Variants in KCNAB1 observed in about 807,000 individuals in gnomAD.
KCNAB1 encodes the protein voltage-gated potassium channel subunit beta-1.
A neutral mutation model predicts 64.6 loss-of-function variants in KCNAB1; 35 were observed. The ratio of observed to expected loss-of-function variants is 0.54; its 90% CI spans 0.41 to 0.72. KCNAB1 has a LOEUF of 0.72. Ranked by LOEUF, KCNAB1 falls within the 30% of genes least tolerant of loss-of-function variation. The pLI, the probability that KCNAB1 is intolerant of heterozygous loss-of-function variation, is 0.00. For missense variants in KCNAB1, 401 were observed against 512.9 expected (o/e 0.78, Z 2.11); for synonymous variants, 177 against 183.8 (o/e 0.96, Z 0.30).
chr3:156,164,070 G>A (rs368153234), intron 1 of KCNAB1, among the ~76,000 whole-genome samples: 2 of 152,154 alleles, frequency 1.3e-5, no homozygotes, highest in South Asian at 4.1e-4. Flanking sequence ...TTAACCCACT[G>A]GCGACAGGGA....
chr3:156,338,423 G>T (rs1723881811), intron 1 of KCNAB1, among the ~76,000 whole-genome samples: 1 of 146,046 alleles, frequency 6.8e-6, no homozygotes. Flanking sequence ...CGATTCTCCT[G>T]CCTCAGCCTC....
intron 1 of KCNAB1, among the ~76,000 whole-genome samples, chr3:156,261,828 T>C (rs578106132): frequency 6.6e-6 from 1 of 152,106 alleles, no homozygotes; most frequent in South Asian, 2.1e-4. Context: ...TTGGGGAGAA[T>C]TTGCCATCTT....
At chr3:156,511,686 T>A (rs1372972599) in intron 8 of KCNAB1, among the ~76,000 whole-genome samples, 1 of 151,754 alleles carries the variant, frequency 6.6e-6, no homozygotes, top group Non-Finnish European at 1.5e-5. Context: ...CTGCCTAGAA[T>A]ACAACAATAC....
intron 1 of KCNAB1, among the ~76,000 whole-genome samples, chr3:156,123,809 T>G (rs547980577): frequency 2.2e-4 from 33 of 152,176 alleles, no homozygotes; most frequent in Non-Finnish European, 4.0e-4. Context: ...TGTGGGCATG[T>G]TTTTTAAAAA....
intron 6 of KCNAB1, 129 bp from the exon 7 acceptor site, chr3:156,465,514 C>T (rs1004784264): frequency 5.2e-5 from 38 of 734,464 alleles, no homozygotes; most frequent in South Asian, 4.3e-4. Flanking sequence ...GACTTCTCTC[C>T]TTAGCCTCCC....
chr3:156,402,853 A>G (rs1204383909), intron 1 of KCNAB1, among the ~76,000 whole-genome samples: 1 of 152,210 alleles, frequency 6.6e-6, no homozygotes, highest in Non-Finnish European at 1.5e-5. Context: ...TATGGTAACT[A>G]TAACTATGAA....
chr3:156,530,721 T>C (rs1718643802), intron 12 of KCNAB1, among the ~76,000 whole-genome samples: 1 of 152,108 alleles, frequency 6.6e-6, no homozygotes, highest in Admixed American at 6.5e-5. Flanking sequence ...CAACACAGGA[T>C]GAATCTTGGG....
chr3:156,520,660 G>A (rs1559927907), intron 11 of KCNAB1, among the ~76,000 whole-genome samples: 1 of 152,216 alleles, frequency 6.6e-6, no homozygotes, highest in African/African-American at 2.4e-5. Flanking sequence ...AGTTGGGAGA[G>A]AGGGGTGGTC....
At chr3:156,132,146 A>G (rs568583415) in intron 1 of KCNAB1, among the ~76,000 whole-genome samples, 2 of 152,278 alleles carry the variant, frequency 1.3e-5, no homozygotes, top group East Asian at 1.9e-4. Context: ...GAGTTTGGCT[A>G]TTTTCCATAA....
chr3:156,425,316 G>C (rs922320647), intron 2 of KCNAB1, among the ~76,000 whole-genome samples: 1 of 152,192 alleles, frequency 6.6e-6, no homozygotes, highest in African/African-American at 2.4e-5. Context: ...GAAATTCCTT[G>C]CCCTGACAAT....
intron 1 of KCNAB1, among the ~76,000 whole-genome samples, chr3:156,348,658 G>A (rs1379279824): frequency 1.3e-5 from 2 of 152,230 alleles, no homozygotes; most frequent in Admixed American, 1.3e-4. Context: ...CTGAAGCTCA[G>A]AGAGGGGAGT....
chr3:156,438,991 G>T (rs886407575), intron 2 of KCNAB1, among the ~76,000 whole-genome samples: 3 of 150,656 alleles, frequency 2.0e-5, no homozygotes, highest in African/African-American at 7.3e-5. Context: ...TCCAGTCTGG[G>T]TGACAGAGCA....
At chr3:156,457,356 G>T in intron 3 of KCNAB1, 97 bp from the exon 4 acceptor site, 1 of 1,575,938 alleles carries the variant, frequency 6.3e-7, no homozygotes, top group Admixed American at 1.8e-5. Context: ...TGGTTAGTGA[G>T]AGGTCAGTGT....
At chr3:156,136,786 A>G (rs1216500010) in intron 1 of KCNAB1, among the ~76,000 whole-genome samples, 1 of 152,210 alleles carries the variant, frequency 6.6e-6, no homozygotes, top group Non-Finnish European at 1.5e-5. Context: ...CTAAGGCCAC[A>G]TTTTGGCATC....
chr3:156,124,177 C>A (rs542477080), intron 1 of KCNAB1, among the ~76,000 whole-genome samples: 3 of 151,402 alleles, frequency 2.0e-5, no homozygotes, highest in Admixed American at 6.6e-5. Context: ...TTTTAAAAAA[C>A]CATATTTCTG....
chr3:156,169,171 GA>G (rs1376176681), intron 1 of KCNAB1, among the ~76,000 whole-genome samples: 2 of 152,034 alleles, frequency 1.3e-5, no homozygotes, highest in African/African-American at 2.4e-5. Flanking sequence ...ATTTTTAAAG[GA>G]ATATTTCCCT....
chr3:156,498,005 GA>G (rs1235014786), intron 8 of KCNAB1, among the ~76,000 whole-genome samples: 1 of 152,154 alleles, frequency 6.6e-6, no homozygotes, highest in Non-Finnish European at 1.5e-5. Flanking sequence ...GAGGCACTAA[GA>G]AGGATAAGAT....
intron 1 of KCNAB1, among the ~76,000 whole-genome samples, chr3:156,163,701 T>C (rs1012699882): frequency 1.3e-5 from 2 of 152,242 alleles, no homozygotes; most frequent in Non-Finnish European, 2.9e-5. Flanking sequence ...CGATAAGAGA[T>C]ATATGAATTT....
At chr3:156,211,548 T>G (rs772863000) in intron 1 of KCNAB1, among the ~76,000 whole-genome samples, 1 of 152,188 alleles carries the variant, frequency 6.6e-6, no homozygotes, top group African/African-American at 2.4e-5. Flanking sequence ...CCTATGCCAA[T>G]GCCCACACAC....
Sources: allele counts gnomAD v4.1 joint callset (sites outside exome capture counted in the v4.1 genomes callset), GRCh38; gene constraint gnomAD v4.1.1; transcripts MANE v1.5; gene names NCBI Gene and HGNC (gene_info 2026-07-23, HGNC 2026-07-21).